ST8SIA6: variants seen among roughly 807,000 people sequenced by gnomAD.
ST8SIA6 encodes the protein alpha-2,8-sialyltransferase 8F.
ST8SIA6 carries 39 observed loss-of-function variants against 33.6 expected under a neutral mutation model. That is an observed-to-expected ratio of 1.16 (90% CI 0.90 to 1.52). The LOEUF (loss-of-function observed/expected upper bound fraction) is 1.52, where lower values mean the gene tolerates loss of function less well. ST8SIA6 is among the 40% of genes most tolerant of loss of function. ST8SIA6 has a pLI of 0.00. For synonymous variants in ST8SIA6, 172 were observed against 167.2 expected (o/e 1.03, Z -0.22); for missense variants, 441 against 443.8 (o/e 0.99, Z 0.06).
intron 4 of ST8SIA6, among the ~76,000 whole-genome samples, chr10:17,338,198 C>T (rs1588801435): frequency 6.6e-6 from 1 of 152,108 alleles, no homozygotes; most frequent in African/African-American, 2.4e-5. Context: ...CCACATCTGA[C>T]TAATTTTGTA....
intron 3 of ST8SIA6, among the ~76,000 whole-genome samples, chr10:17,368,388 C>A (rs1227681925): frequency 5.9e-5 from 6 of 102,272 alleles, no homozygotes; most frequent in Non-Finnish European, 1.1e-4. Context: ...GCCTGGGCAA[C>A]AAGAGTGAAG....
chr10:17,367,921 A>C (rs1037172021), intron 3 of ST8SIA6, among the ~76,000 whole-genome samples: 3 of 152,314 alleles, frequency 2.0e-5, no homozygotes, highest in East Asian at 3.9e-4. Context: ...CCGAACACAC[A>C]TAAGCAGAGC....
At chr10:17,435,715 G>A (rs1852233052) in intron 2 of ST8SIA6, among the ~76,000 whole-genome samples, 1 of 148,082 alleles carries the variant, frequency 6.8e-6, no homozygotes, top group East Asian at 2.1e-4. Context: ...GGGGGGTTGG[G>A]GGGGTGGGGG....
At chr10:17,426,908 C>A (rs371218268) in intron 2 of ST8SIA6, among the ~76,000 whole-genome samples, 1 of 152,104 alleles carries the variant, frequency 6.6e-6, no homozygotes, top group Non-Finnish European at 1.5e-5. Context: ...TCAAGACTAG[C>A]CTGGCCAACA....
chr10:17,341,015 A>T (rs61841859), intron 4 of ST8SIA6, among the ~76,000 whole-genome samples: 121 of 152,312 alleles, frequency 7.9e-4, no homozygotes, highest in South Asian at 1.9e-3. Flanking sequence ...AGAAGGTGAA[A>T]GAGAAAGAAT....
chr10:17,339,780 ATT>A (rs1379405560), intron 4 of ST8SIA6, among the ~76,000 whole-genome samples: 5 of 152,252 alleles, frequency 3.3e-5, no homozygotes, highest in African/African-American at 1.2e-4. Flanking sequence ...TGCAATTAAT[ATT>A]CTCATTTTAT....
intron 5 of ST8SIA6, among the ~76,000 whole-genome samples, chr10:17,330,424 A>G (rs903314504): frequency 6.6e-6 from 1 of 152,156 alleles, no homozygotes; most frequent in African/African-American, 2.4e-5. Flanking sequence ...TCAGGGCGTC[A>G]TGAGAAAGCT....
intron 2 of ST8SIA6, among the ~76,000 whole-genome samples, chr10:17,404,623 T>A (rs2131684077): frequency 6.6e-6 from 1 of 152,312 alleles, no homozygotes; most frequent in Admixed American, 6.5e-5. Context: ...CCCTAGGTGA[T>A]GTCTGATCAC....
chr10:17,344,784 A>G (rs1848778274), intron 4 of ST8SIA6, among the ~76,000 whole-genome samples: 1 of 152,222 alleles, frequency 6.6e-6, no homozygotes, highest in Admixed American at 6.5e-5. Context: ...AGACCCAGCC[A>G]GATACAGGTT....
chr10:17,333,485 C>A (rs1848366215), intron 4 of ST8SIA6, among the ~76,000 whole-genome samples: 1 of 151,366 alleles, frequency 6.6e-6, no homozygotes, highest in East Asian at 1.9e-4. Flanking sequence ...TGCCTGACTT[C>A]ACACTATACT....
At chr10:17,391,935 G>A (rs970650752) in intron 2 of ST8SIA6, among the ~76,000 whole-genome samples, 5 of 152,000 alleles carry the variant, frequency 3.3e-5, no homozygotes, top group South Asian at 4.2e-4. Context: ...TGTAACATGC[G>A]TCACATATAT....
At chr10:17,368,790 A>G (rs1849643423) in intron 3 of ST8SIA6, among the ~76,000 whole-genome samples, 1 of 152,194 alleles carries the variant, frequency 6.6e-6, no homozygotes, top group Non-Finnish European at 1.5e-5. Context: ...AGGTAAAGGC[A>G]GGCATGGTGT....
At chr10:17,345,358 A>C (rs1848800504) in intron 4 of ST8SIA6, among the ~76,000 whole-genome samples, 1 of 152,224 alleles carries the variant, frequency 6.6e-6, no homozygotes, top group East Asian at 1.9e-4. Context: ...ACAAATCCAC[A>C]ATCATGCAAG....
chr10:17,323,762 C>G (rs964132598), intron 6 of ST8SIA6, among the ~76,000 whole-genome samples: 3 of 152,104 alleles, frequency 2.0e-5, no homozygotes, highest in Non-Finnish European at 4.4e-5. Flanking sequence ...GACAATTACA[C>G]CTTGTCTAAG....
chr10:17,397,223 ATTGTTTT>A (rs1259575686), intron 2 of ST8SIA6, among the ~76,000 whole-genome samples: 1 of 97,136 alleles, frequency 1.0e-5, no homozygotes, highest in South Asian at 3.7e-4. Flanking sequence ...TCGTTTGCAA[ATTGTTTT>A]TTGTTTTTTT....
intron 2 of ST8SIA6, among the ~76,000 whole-genome samples, chr10:17,425,638 G>A (rs547087623): frequency 0.016 from 2,295 of 144,302 alleles, 75 homozygotes; most frequent in African/African-American, 0.056. Flanking sequence ...AGAAAGAGAG[G>A]AAGAAAGGAG....
intron 4 of ST8SIA6, among the ~76,000 whole-genome samples, chr10:17,332,433 C>G (rs1412420062): frequency 6.6e-6 from 1 of 152,176 alleles, no homozygotes; most frequent in Non-Finnish European, 1.5e-5. Context: ...ATTCCTATTT[C>G]TCCACAGCCT....
intron 4 of ST8SIA6, among the ~76,000 whole-genome samples, chr10:17,347,430 G>C (rs1364716174): frequency 6.6e-6 from 1 of 152,088 alleles, no homozygotes; most frequent in Non-Finnish European, 1.5e-5. Flanking sequence ...TAGCGTAAAC[G>C]AGAGGGGAGA....
chr10:17,382,625 T>G (rs1850193618), intron 3 of ST8SIA6, among the ~76,000 whole-genome samples: 1 of 152,182 alleles, frequency 6.6e-6, no homozygotes, highest in Admixed American at 6.6e-5. Flanking sequence ...ACTCCTGGGT[T>G]TGAAAAGGAC....
Sources: gnomAD v4.1 joint callset for allele counts (sites outside exome capture counted in the v4.1 genomes callset) on GRCh38, gnomAD v4.1.1 for gene constraint, MANE v1.5 for transcripts, NCBI Gene and HGNC (gene_info 2026-07-23, HGNC 2026-07-21) for gene names.